The following WNK1 variants were observed in gnomAD, a reference collection of about 807,000 sequenced individuals.
WNK1 encodes the protein WNK lysine deficient protein kinase 1, also known as serine/threonine-protein kinase WNK1.
In WNK1, 38 loss-of-function variants were observed where a neutral mutation model predicts 222.8. The ratio of observed to expected loss-of-function variants is 0.17; its 90% confidence interval spans 0.13 to 0.22. The LOEUF (loss-of-function observed/expected upper bound fraction) is 0.22. WNK1 is among the 10% of genes least tolerant of loss of function. The probability of loss-of-function intolerance (pLI) is 1.00; values close to 1 mark genes in which losing one functional copy is unlikely to be tolerated. For missense variants in WNK1, 2,348 were observed against 2,918.4 expected, an observed-to-expected ratio of 0.80 and a Z score of 4.50; for synonymous variants, 1,090 against 1,092.9, an observed-to-expected ratio of 1.00 and a Z score of 0.05.
chr12:871,967 T>C (rs976183326), intron 9 of WNK1, among the ~76,000 whole-genome samples: 2 of 152,202 alleles, frequency 1.3e-5, no homozygotes, highest in African/African-American at 2.4e-5. Context: ...TTTCCACTGC[T>C]TGCAGCAGTG....
chr12:871,357 A>C lies in WNK1; in HGVS notation c.2223+9A>C. 6.2e-7 allele frequency: 1 copy of C among 1,612,708 alleles called. No homozygotes were observed. Among genetic ancestry groups the C allele is most frequent in the Non-Finnish European group, 8.5e-7 (1 of 1,178,714 alleles). ...TACAACATCCTCAGCAGGTGAGAAC[A>C]ATGCATTGCAACATTTTATGAATTA... is the stretch of plus-strand genomic sequence containing the variant. On this transcript the variant is annotated intron_variant, in intron 9 of 27. Coordinates refer to ENST00000315939, the MANE Select transcript of WNK1 (RefSeq NM_018979.4).
intron 4 of WNK1, among the ~76,000 whole-genome samples, chr12:843,043 C>T (rs1949749741): frequency 6.6e-6 from 1 of 152,204 alleles, no homozygotes; most frequent in South Asian, 2.1e-4. Flanking sequence ...TCAAGCAATT[C>T]TCCTGCCTCA....
rs546632682 is a variant in WNK1 at position 818,301 on chromosome 12, G to T, written c.932+4487G>T. ...TTCAGAGGCTTATGCCAACAGGAGG[G>T]TTTATTAAGTAGAAAGAGCATTAGA... On this transcript the variant is annotated intron_variant, in intron 2 of 27. Transcript: ENST00000315939. Among the ~76,000 whole-genome samples, 5 of 152,242 alleles carry T rather than the reference G, an allele frequency of 3.3e-5. No homozygotes were observed. In the South Asian group the frequency reaches 8.3e-4, roughly 25 times the overall value.
At chr12:807,291 CTGTTT>C (rs148586211) in intron 1 of WNK1, among the ~76,000 whole-genome samples, 5,084 of 109,570 alleles carry the variant, frequency 0.046, 284 homozygotes, top group African/African-American at 0.15. Flanking sequence ...GACCCTGTCT[CTGTTT>C]TTTTTTTTTT....
At chr12:807,612 C>T (rs1222784888) in intron 1 of WNK1, among the ~76,000 whole-genome samples, 1 of 151,788 alleles carries the variant, frequency 6.6e-6, no homozygotes, top group Non-Finnish European at 1.5e-5. Flanking sequence ...CCCTCATTAC[C>T]CTATTCAAAA....
chr12:809,505 C>A (rs1399090575), intron 1 of WNK1, among the ~76,000 whole-genome samples: 3 of 152,032 alleles, frequency 2.0e-5, no homozygotes, highest in Non-Finnish European at 4.4e-5. Flanking sequence ...TAGATTTGGC[C>A]ACATAAAATG....
At chr12:840,575 A>G (rs1159992826) in intron 4 of WNK1, among the ~76,000 whole-genome samples, 2 of 152,180 alleles carry the variant, frequency 1.3e-5, no homozygotes, top group East Asian at 3.8e-4. Flanking sequence ...CATATTATTT[A>G]TGGCTGTTTT....
intron 4 of WNK1, among the ~76,000 whole-genome samples, chr12:848,759 A>C (rs1293434461): frequency 6.6e-6 from 1 of 152,176 alleles, no homozygotes; most frequent in African/African-American, 2.4e-5. Context: ...TGAGAGAAAG[A>C]GGAATAAGTT....
chr12:852,554 T>C (rs984015203), intron 4 of WNK1, among the ~76,000 whole-genome samples: 2 of 152,186 alleles, frequency 1.3e-5, no homozygotes, highest in Non-Finnish European at 2.9e-5. Flanking sequence ...ATGAGAGGGC[T>C]GTATGTCCTT....
chr12:813,852 A>T (rs1197568318), intron 2 of WNK1, 38 bp downstream of exon 2: 1 of 1,605,792 alleles, frequency 6.2e-7, no homozygotes, highest in Non-Finnish European at 8.5e-7. Flanking sequence ...ACCAAGAAGT[A>T]TGAGAGAATT....
At chr12:767,135 C>T (rs1941820189) in intron 1 of WNK1, among the ~76,000 whole-genome samples, 1 of 151,316 alleles carries the variant, frequency 6.6e-6, no homozygotes, top group African/African-American at 2.4e-5. Flanking sequence ...TGCTCTCTTA[C>T]ACCAGGGGTA....
intron 8 of WNK1, among the ~76,000 whole-genome samples, chr12:870,314 A>G (rs1033323944): frequency 3.3e-5 from 5 of 152,226 alleles, no homozygotes; most frequent in Non-Finnish European, 7.3e-5. Flanking sequence ...ATGTATTGCC[A>G]GTAATTATCC....
At chr12:798,186 C>T (rs1945510245) in intron 1 of WNK1, among the ~76,000 whole-genome samples, 1 of 149,272 alleles carries the variant, frequency 6.7e-6, no homozygotes, top group East Asian at 2.0e-4. Context: ...TTTCTTATTG[C>T]ATTTTCTTTT....
chr12:875,231 A>T (rs1952500015), intron 9 of WNK1, among the ~76,000 whole-genome samples: 1 of 152,162 alleles, frequency 6.6e-6, no homozygotes, highest in South Asian at 2.1e-4. Flanking sequence ...GGAGCATATG[A>T]TTACCATATG....
At chr12:908,141 T>G in intron 27 of WNK1, 107 bp downstream of exon 27, 1 of 1,376,836 alleles carries the variant, frequency 7.3e-7, no homozygotes, top group Non-Finnish European at 1.0e-6. Flanking sequence ...TTCTTCAATT[T>G]TAATACTTTA....
At chr12:865,872 A>G (rs1304979491) in intron 8 of WNK1, among the ~76,000 whole-genome samples, 1 of 152,086 alleles carries the variant, frequency 6.6e-6, no homozygotes, top group Non-Finnish European at 1.5e-5. Context: ...TCATTTATGT[A>G]AGATGATGTA....
intron 26 of WNK1, chr12:906,487 A>T (rs144908794): frequency 1.0e-6 from 1 of 985,212 alleles, no homozygotes; most frequent in Non-Finnish European, 1.2e-6. Context: ...CTGTTCTGGG[A>T]AGAGTGGGGA....
At chr12:782,112 C>T (rs1367619796) in intron 1 of WNK1, among the ~76,000 whole-genome samples, 2 of 152,106 alleles carry the variant, frequency 1.3e-5, no homozygotes, top group Non-Finnish European at 2.9e-5. Flanking sequence ...TTTGAAGTTT[C>T]ATATAATTTT....
At chr12:863,303 G>A (rs774670361) in intron 8 of WNK1, among the ~76,000 whole-genome samples, 8 of 152,004 alleles carry the variant, frequency 5.3e-5, no homozygotes, top group Non-Finnish European at 8.8e-5. Context: ...TTCAGAGTCC[G>A]TTTAATCCTG....
Sources: allele counts gnomAD v4.1 joint callset (sites outside exome capture counted in the v4.1 genomes callset), GRCh38; gene constraint gnomAD v4.1.1; transcripts MANE v1.5; gene names NCBI Gene and HGNC (gene_info 2026-07-23, HGNC 2026-07-21).